FAR2: variants seen among roughly 807,000 people sequenced by gnomAD.
FAR2 encodes fatty acyl-CoA reductase 2.
FAR2 carries 19 observed loss-of-function variants against 56.0 expected under a neutral mutation model. The observed-to-expected ratio is 0.34, with a 90% CI of 0.24 to 0.50. The LOEUF (loss-of-function observed/expected upper bound fraction) is 0.50, where lower values mean the gene tolerates loss of function less well. FAR2 is among the 20% of genes least tolerant of loss of function. The pLI is 0.98. For missense variants in FAR2, 508 were observed against 642.2 expected, an observed-to-expected ratio of 0.79 and a Z score of 2.26; for synonymous variants, 219 against 218.8, an observed-to-expected ratio of 1.00 and a Z score of -0.01.
chr12:29,165,964 A>G (rs1339710673), intron 1 of FAR2, among the ~76,000 whole-genome samples: 1 of 152,250 alleles, frequency 6.6e-6, no homozygotes, highest in South Asian at 2.1e-4. Flanking sequence ...CCTGTCCTAT[A>G]GCAGTTAGAA....
At chr12:29,226,057 G>T (rs955661724) in intron 1 of FAR2, among the ~76,000 whole-genome samples, 1 of 152,140 alleles carries the variant, frequency 6.6e-6, no homozygotes, top group African/African-American at 2.4e-5. Context: ...TCTCTGCCCT[G>T]AGCATTTTTA....
chr12:29,170,825 C>A (rs545274315), intron 1 of FAR2, among the ~76,000 whole-genome samples: 1 of 152,154 alleles, frequency 6.6e-6, no homozygotes, highest in Non-Finnish European at 1.5e-5. Flanking sequence ...CTCTGCTAGC[C>A]GCTTATGCTG....
chr12:29,314,605 G>A (rs1949415532), intron 8 of FAR2, among the ~76,000 whole-genome samples: 1 of 151,858 alleles, frequency 6.6e-6, no homozygotes, highest in South Asian at 2.1e-4. Flanking sequence ...TCCTAACCCA[G>A]CCTCACCCCT....
intron 10 of FAR2, among the ~76,000 whole-genome samples, chr12:29,327,028 T>G (rs11613628): frequency 6.6e-6 from 1 of 152,088 alleles, no homozygotes; most frequent in Non-Finnish European, 1.5e-5. Context: ...CAAAATCTCC[T>G]TAAGCTGATA....
intron 4 of FAR2, 102 bp downstream of exon 4, chr12:29,297,302 T>C: frequency 8.5e-7 from 1 of 1,170,238 alleles, no homozygotes; most frequent in African/African-American, 1.6e-5. Flanking sequence ...TCAAACACTT[T>C]TGAAGCAAAA....
intron 1 of FAR2, among the ~76,000 whole-genome samples, chr12:29,158,607 T>A (rs529651601): frequency 6.6e-6 from 1 of 152,366 alleles, no homozygotes; most frequent in South Asian, 2.1e-4. Flanking sequence ...AGGATGACAC[T>A]TAGATAAATT....
At chr12:29,296,799 T>C (rs1949079253) in intron 3 of FAR2, among the ~76,000 whole-genome samples, 1 of 152,220 alleles carries the variant, frequency 6.6e-6, no homozygotes, top group South Asian at 2.1e-4. Flanking sequence ...ATATGTACAG[T>C]GTGTCAGTGA....
chr12:29,205,656 T>G (rs1463201572), intron 1 of FAR2, among the ~76,000 whole-genome samples: 1 of 152,084 alleles, frequency 6.6e-6, no homozygotes, highest in East Asian at 1.9e-4. Context: ...GAAATAATAG[T>G]ACTACCCAAA....
chr12:29,295,031 T>C (rs1420917206), intron 3 of FAR2, among the ~76,000 whole-genome samples: 1 of 152,238 alleles, frequency 6.6e-6, no homozygotes, highest in Non-Finnish European at 1.5e-5. Flanking sequence ...ATCATTTTAA[T>C]TACTGTAATT....
At chr12:29,308,026 G>A in intron 5 of FAR2, 191 bp downstream of exon 5, 2 of 554,462 alleles carry the variant, frequency 3.6e-6, no homozygotes, top group Non-Finnish European at 6.2e-6. Flanking sequence ...TGGCTCCTCT[G>A]GCAGTTATCT....
At chr12:29,186,378 C>A (rs1001466375) in intron 1 of FAR2, among the ~76,000 whole-genome samples, 1 of 152,196 alleles carries the variant, frequency 6.6e-6, no homozygotes, top group African/African-American at 2.4e-5. Flanking sequence ...GTCTACTGTT[C>A]CTGTCACTGT....
intron 1 of FAR2, among the ~76,000 whole-genome samples, chr12:29,204,325 T>C (rs1323830894): frequency 6.6e-6 from 1 of 152,046 alleles, no homozygotes; most frequent in Non-Finnish European, 1.5e-5. Context: ...GATGATATTC[T>C]AATGGGGTGA....
intron 1 of FAR2, among the ~76,000 whole-genome samples, chr12:29,253,291 C>CTATATATCGATATCTATATCTA (rs1389443935): frequency 4.4e-5 from 6 of 135,268 alleles, no homozygotes; most frequent in African/African-American, 1.7e-4. Context: ...ATATCTATAT[C>CTATATATCGATATCTATATCTA]TATCTAGATA....
intron 10 of FAR2, among the ~76,000 whole-genome samples, chr12:29,326,839 G>T (rs1291974967): frequency 2.0e-5 from 3 of 150,162 alleles, no homozygotes; most frequent in Admixed American, 2.0e-4. Flanking sequence ...TTGAAAACTG[G>T]CACAAGACAG....
chr12:29,182,097 A>G (rs4931159), intron 1 of FAR2, among the ~76,000 whole-genome samples: 149,033 of 152,330 alleles, frequency 0.98, 72,995 homozygotes, highest in Middle Eastern at 1. Context: ...TATTGTGTGC[A>G]GAGTTGGTTC....
chr12:29,240,321 C>T (rs1207838151), intron 1 of FAR2, among the ~76,000 whole-genome samples: 1 of 152,162 alleles, frequency 6.6e-6, no homozygotes, highest in Non-Finnish European at 1.5e-5. Flanking sequence ...TCACCATCAA[C>T]TCCCACTCTG....
chr12:29,321,980 A>C, intron 10 of FAR2, 56 bp downstream of exon 10: 2 of 1,547,418 alleles, frequency 1.3e-6, no homozygotes, highest in Non-Finnish European at 8.7e-7. Context: ...GGAATTTAGA[A>C]TTATTTGATT....
At chr12:29,205,194 T>C (rs1279178230) in intron 1 of FAR2, among the ~76,000 whole-genome samples, 2 of 152,242 alleles carry the variant, frequency 1.3e-5, no homozygotes, top group East Asian at 3.8e-4. Context: ...ACTGGGTATG[T>C]TACTACAAGT....
At chr12:29,309,265 T>A (rs201942839) in intron 6 of FAR2, 35 bp downstream of exon 6, 577 of 1,510,264 alleles carry the variant, frequency 3.8e-4, no homozygotes, top group Non-Finnish European at 4.5e-4. Context: ...CTCCCTGAAA[T>A]GTAGTAGAGA....
Sources: gnomAD v4.1 joint callset for allele counts (sites outside exome capture counted in the v4.1 genomes callset) on GRCh38, gnomAD v4.1.1 for gene constraint, MANE v1.5 for transcripts, NCBI Gene and HGNC (gene_info 2026-07-23, HGNC 2026-07-21) for gene names.